DCC: variants seen among roughly 807,000 people sequenced by gnomAD.
DCC encodes the protein netrin receptor DCC.
DCC carries 58 observed loss-of-function variants against 172.5 expected under a neutral mutation model. The observed-to-expected ratio is 0.34, with a 90% CI of 0.27 to 0.42. DCC has a LOEUF of 0.42. Ranked by LOEUF, DCC falls within the 10% of genes least tolerant of loss-of-function variation. DCC has a pLI of 1.00. For synonymous variants in DCC, 709 were observed against 644.5 expected (o/e 1.10, Z -1.52); for missense variants, 1,740 against 1,791.0 (o/e 0.97, Z 0.51).
intron 21 of DCC, among the ~76,000 whole-genome samples, chr18:53,427,243 G>C (rs1777187251): frequency 6.6e-6 from 1 of 152,064 alleles, no homozygotes; most frequent in Non-Finnish European, 1.5e-5. Flanking sequence ...TTTTAATAAA[G>C]ACTAAGCTGC....
intron 1 of DCC, among the ~76,000 whole-genome samples, chr18:52,446,737 T>G (rs1270675507): frequency 3.3e-5 from 5 of 152,142 alleles, no homozygotes; most frequent in South Asian, 2.1e-4. Flanking sequence ...AGAGTTATTT[T>G]TGTGTGTGTG....
At chr18:52,814,283 A>C (rs926190375) in intron 2 of DCC, among the ~76,000 whole-genome samples, 1 of 152,226 alleles carries the variant, frequency 6.6e-6, no homozygotes, top group Non-Finnish European at 1.5e-5. Flanking sequence ...GGAGTGGGAT[A>C]GGGCCTATAC....
Position 53,395,362 on chromosome 18 carries a change from G to A in DCC, c.2689-1946G>A, listed in dbSNP as rs559806237. ...AACACAAAGACGATCTTACTTGTTG[G>A]CCTCTCAAATGCCAGTGGTGTCTGT... On this transcript the variant is annotated intron_variant, in intron 17 of 28. Transcript: ENST00000442544. Among the ~76,000 whole-genome samples the A allele has an allele frequency of 2.6e-5, 4 of 152,256 alleles. No homozygotes were observed. The South Asian group carries it at 8.3e-4, about 32-fold the overall frequency.
At chr18:52,518,253 C>T (rs76300519) in intron 1 of DCC, among the ~76,000 whole-genome samples, 1 of 152,058 alleles carries the variant, frequency 6.6e-6, no homozygotes, top group Non-Finnish European at 1.5e-5. Flanking sequence ...GTTGAATGAG[C>T]CCTCTAGGTC....
chr18:53,199,047 A>T (rs1446112982), intron 9 of DCC, among the ~76,000 whole-genome samples: 1 of 151,474 alleles, frequency 6.6e-6, no homozygotes, highest in Non-Finnish European at 1.5e-5. Flanking sequence ...TTTCACATCT[A>T]ATTCCCATTG....
At chr18:52,986,875 C>A (rs527468786) in intron 5 of DCC, among the ~76,000 whole-genome samples, 1 of 151,412 alleles carries the variant, frequency 6.6e-6, no homozygotes, top group East Asian at 2.0e-4. Flanking sequence ...CATATATATG[C>A]GCAGTGGTGT....
intron 5 of DCC, among the ~76,000 whole-genome samples, chr18:53,008,582 T>A (rs904088646): frequency 1.3e-5 from 2 of 152,056 alleles, no homozygotes; most frequent in African/African-American, 2.4e-5. Context: ...ATTACATAAG[T>A]GTAAAATATC....
chr18:53,248,779 A>C (rs2056395450), intron 12 of DCC, among the ~76,000 whole-genome samples: 1 of 152,092 alleles, frequency 6.6e-6, no homozygotes, highest in Non-Finnish European at 1.5e-5. Flanking sequence ...TAAAATAAGA[A>C]AGTAAAATCA....
intron 12 of DCC, among the ~76,000 whole-genome samples, chr18:53,282,335 A>G (rs2056882667): frequency 6.6e-6 from 1 of 152,142 alleles, no homozygotes; most frequent in Non-Finnish European, 1.5e-5. Context: ...GCATCTGATA[A>G]GTAGGGCCAG....
At chr18:53,207,888 C>T in intron 11 of DCC, 71 bp downstream of exon 11, 2 of 1,303,202 alleles carry the variant, frequency 1.5e-6, no homozygotes, top group South Asian at 2.4e-5. Flanking sequence ...TGATATTGCA[C>T]ATATATCATA....
At chr18:53,239,838 C>T (rs1439778879) in intron 12 of DCC, among the ~76,000 whole-genome samples, 3 of 151,854 alleles carry the variant, frequency 2.0e-5, no homozygotes, top group Non-Finnish European at 4.4e-5. Context: ...TAACCAAGGG[C>T]TGATAATATA....
At chr18:52,704,915 A>G (rs1160400) in intron 1 of DCC, among the ~76,000 whole-genome samples, 21,520 of 152,022 alleles carry the variant, frequency 0.14, 1,807 homozygotes, top group Admixed American at 0.24. Flanking sequence ...CAGCCTGGCC[A>G]TTTACGTTCT....
intron 1 of DCC, among the ~76,000 whole-genome samples, chr18:52,359,230 T>C (rs1036738735): frequency 6.6e-6 from 1 of 152,180 alleles, no homozygotes. Context: ...CATAGGCTGT[T>C]TCATTGGGTT....
chr18:53,428,312 A>C (rs1296032792), intron 21 of DCC, among the ~76,000 whole-genome samples: 1 of 28,644 alleles, frequency 3.5e-5, no homozygotes, highest in African/African-American at 8.8e-5. Flanking sequence ...TATAGAATAT[A>C]ATATATAATA....
chr18:53,407,528 G>T (rs1265941238), intron 19 of DCC, among the ~76,000 whole-genome samples: 25 of 117,420 alleles, frequency 2.1e-4, no homozygotes, highest in East Asian at 6.5e-4. Context: ...TTTTATTCTG[G>T]ATATATATAT....
At chr18:52,464,185 T>A (rs1988713984) in intron 1 of DCC, among the ~76,000 whole-genome samples, 1 of 152,218 alleles carries the variant, frequency 6.6e-6, no homozygotes, top group Admixed American at 6.5e-5. Flanking sequence ...TCAAATAGAA[T>A]GTTCTCAGTA....
chr18:53,236,382 T>G (rs921620180), intron 12 of DCC, among the ~76,000 whole-genome samples: 1 of 152,146 alleles, frequency 6.6e-6, no homozygotes, highest in Non-Finnish European at 1.5e-5. Context: ...TTTTGCACAT[T>G]ACTTTAGGTT....
At position 53,323,655 on chromosome 18, in the gene DCC, G is replaced by GTGGT. The variant is rs796217612; in HGVS notation, c.2164+1510_2164+1513dup. On this transcript the variant is annotated intron_variant, in intron 14 of 28. Transcript: ENST00000442544. The stretch of plus-strand genomic sequence containing the variant: ...GGGTGGATGGATGGATGGATGGATG[G>GTGGT]TGGTTGGTTGGTTGGATGGTTGGAT... Among the ~76,000 whole-genome samples the GTGGT allele has an allele frequency of 4.6e-5, 7 of 152,016 alleles. No homozygotes were observed. In the East Asian group the frequency reaches 7.7e-4, roughly 17 times the overall value.
chr18:52,615,231 T>C (rs533550779), intron 1 of DCC, among the ~76,000 whole-genome samples: 1 of 152,336 alleles, frequency 6.6e-6, no homozygotes, highest in Admixed American at 6.5e-5. Context: ...TGAATGACTG[T>C]CAGGTTCTGA....
Sources: allele counts gnomAD v4.1 joint callset (sites outside exome capture counted in the v4.1 genomes callset), GRCh38; gene constraint gnomAD v4.1.1; transcripts MANE v1.5; gene names NCBI Gene and HGNC (gene_info 2026-07-23, HGNC 2026-07-21).